The following KCTD20 variants were observed in gnomAD, a reference collection of about 807,000 sequenced individuals.
KCTD20 encodes the protein BTB/POZ domain-containing protein KCTD20.
A neutral mutation model predicts 39.6 loss-of-function variants in KCTD20; 30 were observed. The observed-to-expected ratio is 0.76, with a 90% CI of 0.57 to 1.03. KCTD20 has a LOEUF of 1.03. Ranked by LOEUF, KCTD20 falls within the 50% of genes least tolerant of loss-of-function variation. The probability of loss-of-function intolerance (pLI) is 0.00; values close to 1 mark genes in which losing one functional copy is unlikely to be tolerated. For synonymous variants in KCTD20, 162 were observed against 180.6 expected, an observed-to-expected ratio of 0.90 and a Z score of 0.83; for missense variants, 422 against 522.0, an observed-to-expected ratio of 0.81 and a Z score of 1.87.
chr6:36,456,467 C>T (rs1775437389), intron 1 of KCTD20, among the ~76,000 whole-genome samples: 1 of 151,718 alleles, frequency 6.6e-6, no homozygotes, highest in Non-Finnish European at 1.5e-5. Context: ...TTAGTAGAGA[C>T]AGGGTTTCAC....
Position 36,443,074 on chromosome 6 carries a change from T to C in KCTD20, c.-84T>C, listed in dbSNP as rs1774920095. ...GCCTGCGCGCGCCTCCCGGGCGGAT[T>C]CCAGCCCCGAGCGGGACAGCGCGGC... is the stretch of plus-strand genomic sequence containing the variant. On this transcript the variant is annotated 5_prime_UTR_variant, in exon 1 of 8. Transcript: ENST00000373731. The C allele has an allele frequency of 6.6e-6, 1 of 151,756 alleles. No homozygotes were observed. The highest frequency in any genetic ancestry group is 2.1e-4 in the South Asian group (1 of 4,830). The allele number at this position is 151,756 out of a possible 1,614,324, so 9.4% of individuals were successfully genotyped here.
intron 3 of KCTD20, among the ~76,000 whole-genome samples, chr6:36,476,938 G>A (rs913163679): frequency 6.6e-6 from 1 of 152,138 alleles, no homozygotes; most frequent in African/African-American, 2.4e-5. Flanking sequence ...TAGGTATGTT[G>A]CCTCTGAAAG....
At position 36,479,164 on chromosome 6, in the gene KCTD20, G is replaced by A. The variant is rs762881764; in HGVS notation, c.478G>A (p.Glu160Lys). The A allele has an allele frequency of 1.2e-6, 2 of 1,614,084 alleles. No homozygotes were observed. The highest frequency in any genetic ancestry group is 1.3e-5 in the African/African-American group (1 of 75,052). ...AGAGTACAACTTCACTCGGCCCAAT[G>A]AGAAGGGAGAGTATGAGATTGCTGA... is the stretch of plus-strand genomic sequence containing the variant. ...GREYNFTRPNEKGEYEIAEGI... is the reference protein window; with the variant it reads ...GREYNFTRPNKKGEYEIAEGI... The change falls in exon 4 of 8, where the codon GAG (glutamate) becomes AAG (lysine). Residue 160 changes from glutamate to lysine, a missense_variant. Physicochemically the swap from Glu to Lys is moderately conservative, Grantham distance 56. Transcript: ENST00000373731.
chr6:36,464,996 C>T (rs917597139), intron 1 of KCTD20, among the ~76,000 whole-genome samples: 1 of 152,076 alleles, frequency 6.6e-6, no homozygotes, highest in Admixed American at 6.5e-5. Flanking sequence ...TTTGAAAGAT[C>T]ATGTCCTTGC....
In KCTD20 at chr6:36,473,251, G is replaced by A. The variant is rs560971065; in HGVS notation, c.161-1538G>A. Among the ~76,000 whole-genome samples, 8 of 151,878 alleles carry A rather than the reference G, an allele frequency of 5.3e-5. No individual in the cohort carries two copies. The East Asian group carries it at 7.9e-4, about 15-fold the overall frequency. On this transcript the variant is annotated intron_variant, in intron 2 of 7. Coordinates refer to ENST00000373731, the MANE Select transcript of KCTD20 (RefSeq NM_173562.5). ...AATTTTTTGTACTTTTAGTAGAGAC[G>A]GGGCTTCACCATGTTAGCCAGGATG...
chr6:36,481,531 A>G (rs1331538212), intron 5 of KCTD20, 31 bp from the exon 6 acceptor site: 6 of 1,527,192 alleles, frequency 3.9e-6, no homozygotes, highest in Non-Finnish European at 4.5e-6. Flanking sequence ...TTTAGGCAGA[A>G]AGCATGTTCA....
chr6:36,468,208 C>T (rs1038674254), intron 1 of KCTD20, among the ~76,000 whole-genome samples: 1 of 152,170 alleles, frequency 6.6e-6, no homozygotes, highest in African/African-American at 2.4e-5. Context: ...GTGATACCTA[C>T]CCTGCTAAAC....
At position 36,446,024 on chromosome 6, in the gene KCTD20, G is replaced by GTTTTTTTT. The variant is rs553882182; in HGVS notation, c.-47+2920_-47+2927dup. On this transcript the variant is annotated intron_variant, in intron 1 of 7. Coordinates refer to ENST00000373731, the MANE Select transcript of KCTD20 (RefSeq NM_173562.5). Reference sequence around the variant, plus strand: ...AAGCCCCAGAAATGTTATGAACTCAGTTTTTTTTTTTTTTCTTTTGAGACA... The same window carrying GTTTTTTTT: ...AAGCCCCAGAAATGTTATGAACTCAGTTTTTTTTTTTTTTTTTTTTTTCTTTTGAGACA... Among the ~76,000 whole-genome samples, 1,229 of 126,430 alleles carry GTTTTTTTT rather than the reference G, an allele frequency of 9.7e-3. 91 individuals are homozygous for GTTTTTTTT. Among genetic ancestry groups the GTTTTTTTT allele is most frequent in the Non-Finnish European group, 0.01 (643 of 62,744 alleles). The allele number at this position is 126,430 out of a possible 152,430, so 82.9% of individuals were successfully genotyped here. A position where few individuals can be genotyped will look rare whatever the true frequency, so the allele number is the denominator to read the frequency against.
At chr6:36,479,059 G>A in intron 3 of KCTD20, 62 bp from the exon 4 acceptor site, 2 of 1,112,784 alleles carry the variant, frequency 1.8e-6, no homozygotes, top group South Asian at 2.6e-5. Context: ...GGAGAAGGGA[G>A]AAATCTCATC....
At chr6:36,449,944 C>A (rs1217405770) in intron 1 of KCTD20, among the ~76,000 whole-genome samples, 1 of 152,024 alleles carries the variant, frequency 6.6e-6, no homozygotes, top group Non-Finnish European at 1.5e-5. Flanking sequence ...GCGGGCGGAT[C>A]ACAAGGTCAG....
chr6:36,466,380 T>C (rs933269302), intron 1 of KCTD20, among the ~76,000 whole-genome samples: 5 of 141,778 alleles, frequency 3.5e-5, no homozygotes, highest in African/African-American at 1.4e-4. Context: ...GCTGCTTTTT[T>C]TCTCTTTTTT....
chr6:36,474,061 GTTTTGTTTTGT>G (rs780904974), intron 2 of KCTD20, among the ~76,000 whole-genome samples: 62 of 151,498 alleles, frequency 4.1e-4, no homozygotes, highest in Admixed American at 7.9e-4. Context: ...ATAAAATTTT[GTTTTGTTTTGT>G]TTTTGTTTTG....
intron 1 of KCTD20, among the ~76,000 whole-genome samples, chr6:36,465,386 T>A (rs1346837235): frequency 2.7e-5 from 4 of 150,606 alleles, no homozygotes. Flanking sequence ...AGTTTTTTTT[T>A]GTTTTTTTTT....
rs974108776 is a variant in KCTD20 at position 36,447,788 on chromosome 6, C to T, written c.-47+4677C>T. ...GGCACATCGCTTGAGCCCAGGAGTT[C>T]GAGATCAGGCTAAGCAACATGGCAC... On this transcript the variant is annotated intron_variant, in intron 1 of 7. Coordinates refer to ENST00000373731, the MANE Select transcript of KCTD20 (RefSeq NM_173562.5). 2.0e-5 allele frequency among the ~76,000 whole-genome samples: 3 copies of T among 151,584 alleles called. No individual in the cohort carries two copies. In the South Asian group the frequency reaches 6.3e-4, roughly 32 times the overall value.
intron 1 of KCTD20, among the ~76,000 whole-genome samples, chr6:36,464,437 G>C (rs1001920241): frequency 6.6e-6 from 1 of 152,114 alleles, no homozygotes; most frequent in Non-Finnish European, 1.5e-5. Flanking sequence ...TCCTTCCACA[G>C]CCTCCTGAGC....
chr6:36,467,712 G>T (rs932839957), intron 1 of KCTD20, among the ~76,000 whole-genome samples: 25 of 151,984 alleles, frequency 1.6e-4, no homozygotes, highest in African/African-American at 6.0e-4. Context: ...TCCTCTCTTG[G>T]AGTTCCATAG....
chr6:36,458,558 AAAG>A (rs1561946409), intron 1 of KCTD20, among the ~76,000 whole-genome samples: 5 of 150,478 alleles, frequency 3.3e-5, no homozygotes, highest in Admixed American at 6.6e-5. Context: ...AAAAAAAAAA[AAAG>A]AAAAGAAAGA....
chr6:36,479,170 GGA>G lies in KCTD20; in HGVS notation c.488_489del (p.Glu163ValfsTer2). On this transcript the variant is annotated frameshift_variant, in exon 4 of 8. Transcript: ENST00000373731. LOFTEE classifies it high-confidence loss of function. ...CAACTTCACTCGGCCCAATGAGAAGGGAGAGTATGAGATTGCTGAAGGCATCA... is the reference window on the plus strand; with the variant it reads ...CAACTTCACTCGGCCCAATGAGAAGGGAGTATGAGATTGCTGAAGGCATCA... Reference protein sequence around the residue: ...EYNFTRPNEKGEYEIAEGISA... With the variant: ...EYNFTRPNEKXEYEIAEGISA... 6.2e-7 allele frequency: 1 copy of G among 1,614,062 alleles called. No homozygotes were observed. The highest frequency in any genetic ancestry group is 8.5e-7 in the Non-Finnish European group (1 of 1,179,966).
At chr6:36,455,499 T>C (rs534968877) in intron 1 of KCTD20, among the ~76,000 whole-genome samples, 1 of 152,316 alleles carries the variant, frequency 6.6e-6, no homozygotes, top group South Asian at 2.1e-4. Flanking sequence ...TGCTTCCAAA[T>C]TGGCAAATAT....
Sources: allele counts gnomAD v4.1 joint callset (sites outside exome capture counted in the v4.1 genomes callset), GRCh38; gene constraint gnomAD v4.1.1; transcripts MANE v1.5; gene names NCBI Gene and HGNC (gene_info 2026-07-23, HGNC 2026-07-21).